Variants in TBC1D32 observed in about 807,000 individuals in gnomAD.
TBC1D32 encodes the protein protein broad-minded.
TBC1D32 carries 151 observed loss-of-function variants against 170.3 expected under a neutral mutation model. The ratio of observed to expected loss-of-function variants is 0.89; its 90% CI spans 0.78 to 1.01. The LOEUF (loss-of-function observed/expected upper bound fraction) is 1.01, where lower values mean the gene tolerates loss of function less well. TBC1D32 is among the 50% of genes least tolerant of loss of function. The pLI is 0.00. For synonymous variants in TBC1D32, 498 were observed against 488.0 expected (o/e 1.02, Z -0.27); for missense variants, 1,464 against 1,457.1 (o/e 1.00, Z -0.08).
At chr6:121,252,440 A>C (rs2128387105) in intron 17 of TBC1D32, among the ~76,000 whole-genome samples, 1 of 152,302 alleles carries the variant, frequency 6.6e-6, no homozygotes, top group African/African-American at 2.4e-5. Context: ...GAAGCTGGAA[A>C]CCATCATTCT....
At chr6:121,214,735 G>A (rs1671567627) in intron 21 of TBC1D32, among the ~76,000 whole-genome samples, 1 of 152,114 alleles carries the variant, frequency 6.6e-6, no homozygotes. Flanking sequence ...CCTTCTCATT[G>A]CCCACAACAG....
intron 20 of TBC1D32, among the ~76,000 whole-genome samples, chr6:121,226,437 G>C (rs974719256): frequency 3.3e-5 from 5 of 151,988 alleles, no homozygotes; most frequent in African/African-American, 1.2e-4. Flanking sequence ...TTATCCTCTA[G>C]GGAAAGAAAA....
At chr6:121,114,925 T>C (rs980946323) in intron 27 of TBC1D32, among the ~76,000 whole-genome samples, 1 of 152,132 alleles carries the variant, frequency 6.6e-6, no homozygotes, top group Non-Finnish European at 1.5e-5. Flanking sequence ...AAAAACCTGA[T>C]AGTCATGAGG....
In TBC1D32 at chr6:121,255,354, A is replaced by G; in HGVS notation, c.1992T>C (p.Ser664=). The change falls in exon 17 of 32, where the codon TCT becomes TCC. Residue 664 remains serine, a synonymous_variant. Transcript: ENST00000398212. ...PTPVEGSDSV[S]SVSQESQNIM... Reference sequence around the variant, plus strand: ...TGTTTTGGGATTCCTGGCTTACTGAAGAAACAGAATCAGAACCCTCTACTG... The same window carrying G: ...TGTTTTGGGATTCCTGGCTTACTGAGGAAACAGAATCAGAACCCTCTACTG... 1.9e-6 allele frequency: 3 copies of G among 1,567,828 alleles called. No homozygotes were observed. The highest frequency in any genetic ancestry group is 2.6e-6 in the Non-Finnish European group (3 of 1,156,876).
intron 20 of TBC1D32, among the ~76,000 whole-genome samples, chr6:121,227,652 A>C (rs1046705959): frequency 6.6e-6 from 1 of 152,090 alleles, no homozygotes; most frequent in African/African-American, 2.4e-5. Flanking sequence ...TGTTCCTGGA[A>C]TAAATCCCAC....
intron 29 of TBC1D32, among the ~76,000 whole-genome samples, chr6:121,110,439 T>C (rs1390978791): frequency 6.6e-6 from 1 of 151,694 alleles, no homozygotes; most frequent in Admixed American, 6.6e-5. Flanking sequence ...ATATAGGCTA[T>C]AAAAAAGGTA....
chr6:121,269,333 T>G (rs1200607845), intron 15 of TBC1D32, among the ~76,000 whole-genome samples: 1 of 151,660 alleles, frequency 6.6e-6, no homozygotes, highest in Non-Finnish European at 1.5e-5. Context: ...GGATAAAGAG[T>G]CAAGACCCAT....
At chr6:121,142,752 T>C (rs551020887) in intron 24 of TBC1D32, among the ~76,000 whole-genome samples, 4 of 152,278 alleles carry the variant, frequency 2.6e-5, no homozygotes, top group African/African-American at 9.6e-5. Flanking sequence ...ATTCTGAGCA[T>C]GCTGAAATGC....
intron 24 of TBC1D32, among the ~76,000 whole-genome samples, chr6:121,155,513 T>C (rs1013559969): frequency 6.6e-6 from 1 of 152,146 alleles, no homozygotes; most frequent in Non-Finnish European, 1.5e-5. Flanking sequence ...CTAATTGTTC[T>C]AGCAAGCACT....
intron 15 of TBC1D32, among the ~76,000 whole-genome samples, chr6:121,270,086 C>T (rs2128422660): frequency 6.6e-6 from 1 of 151,894 alleles, no homozygotes; most frequent in South Asian, 2.1e-4. Context: ...CACAACATAC[C>T]AGAATCTCTG....
chr6:121,266,776 C>G (rs754503619), intron 15 of TBC1D32, among the ~76,000 whole-genome samples: 45 of 152,076 alleles, frequency 3.0e-4, no homozygotes, highest in Middle Eastern at 3.4e-3. Context: ...ATGGATGAAG[C>G]TGGAAACCAT....
rs977375481 is a variant in TBC1D32 at position 121,222,486 on chromosome 6, TAA to T, written c.2481+748_2481+749del. On this transcript the variant is annotated intron_variant, in intron 21 of 31. Coordinates refer to ENST00000398212, the MANE Select transcript of TBC1D32 (RefSeq NM_152730.6). ...TTGTATTTCACGTCATATAAGCTAT[TAA>T]AAGTTTCCCAAAGTAGACAAAATTT... Among the ~76,000 whole-genome samples the T allele has an allele frequency of 2.9e-3, 441 of 152,250 alleles. 1 individual carries two copies. The highest frequency in any genetic ancestry group is 9.8e-3 in the African/African-American group (406 of 41,558).
chr6:121,082,039 T>C (rs140731053), intron 31 of TBC1D32, among the ~76,000 whole-genome samples: 1 of 152,048 alleles, frequency 6.6e-6, no homozygotes, highest in Non-Finnish European at 1.5e-5. Flanking sequence ...AATGTAAGTA[T>C]CTGAGCTCTA....
chr6:121,088,258 A>G (rs1364788724), intron 31 of TBC1D32, among the ~76,000 whole-genome samples: 1 of 152,112 alleles, frequency 6.6e-6, no homozygotes, highest in Non-Finnish European at 1.5e-5. Flanking sequence ...CCTGGCCTAT[A>G]TAAAGAATTA....
At chr6:121,254,315 A>C (rs1357383784) in intron 17 of TBC1D32, among the ~76,000 whole-genome samples, 2 of 152,192 alleles carry the variant, frequency 1.3e-5, no homozygotes, top group African/African-American at 2.4e-5. Flanking sequence ...ATGGATGCAC[A>C]AAAAGCTCAG....
chr6:121,306,175 T>C (rs1052149224), intron 5 of TBC1D32, among the ~76,000 whole-genome samples: 1 of 152,138 alleles, frequency 6.6e-6, no homozygotes, highest in Non-Finnish European at 1.5e-5. Context: ...AAGTCTACAA[T>C]ACCCTCTGGT....
intron 31 of TBC1D32, among the ~76,000 whole-genome samples, chr6:121,086,926 T>A (rs1776323942): frequency 6.6e-6 from 1 of 152,178 alleles, no homozygotes; most frequent in East Asian, 1.9e-4. Context: ...TACAGAATAT[T>A]TACTTTGTTG....
chr6:121,259,346 T>C (rs1040168398), intron 15 of TBC1D32, among the ~76,000 whole-genome samples: 2 of 151,792 alleles, frequency 1.3e-5, no homozygotes, highest in Non-Finnish European at 2.9e-5. Context: ...AAGATAATGA[T>C]TGGGAAAAAT....
intron 15 of TBC1D32, among the ~76,000 whole-genome samples, chr6:121,268,106 G>A (rs1337623263): frequency 7.2e-5 from 11 of 151,996 alleles, no homozygotes; most frequent in South Asian, 2.1e-4. Context: ...CCATCTGTAC[G>A]TCACCATCAT....
Sources: allele counts gnomAD v4.1 joint callset (sites outside exome capture counted in the v4.1 genomes callset), GRCh38; gene constraint gnomAD v4.1.1; transcripts MANE v1.5; gene names NCBI Gene and HGNC (gene_info 2026-07-23, HGNC 2026-07-21).